The following EVC2 variants were observed in gnomAD, a reference collection of about 807,000 sequenced individuals.
EVC2 encodes EvC ciliary complex subunit 2, also known as limbin.
In EVC2, 148 loss-of-function variants were observed where a neutral mutation model predicts 149.3. That is an observed-to-expected ratio of 0.99 (90% CI 0.87 to 1.14). The LOEUF (loss-of-function observed/expected upper bound fraction) is 1.14. Among genes scored for constraint, EVC2 ranks in the 50% most tolerant of loss-of-function variants. The pLI is 0.00. For synonymous variants in EVC2, 776 were observed against 649.9 expected (o/e 1.19, Z -2.95); for missense variants, 1,854 against 1,627.3 (o/e 1.14, Z -2.40).
intron 4 of EVC2, among the ~76,000 whole-genome samples, chr4:5,690,882 A>G (rs1412927301): frequency 6.6e-6 from 1 of 152,212 alleles, no homozygotes; most frequent in Non-Finnish European, 1.5e-5. Flanking sequence ...GAGACCCCTG[A>G]CACAAGGATA....
chr4:5,548,543 C>T (rs1262794312), intron 21 of EVC2, among the ~76,000 whole-genome samples: 1 of 151,862 alleles, frequency 6.6e-6, no homozygotes, highest in African/African-American at 2.4e-5. Flanking sequence ...TGCAGTGGAA[C>T]TCAATGTTTA....
rs1161493464 is a variant in EVC2, at chr4:5,663,263, G to T, written c.1006-17C>A. On this transcript the variant is annotated splice_polypyrimidine_tract_variant and intron_variant, in intron 8 of 21. Coordinates refer to ENST00000344408, the MANE Select transcript of EVC2 (RefSeq NM_147127.5). ...CTGCCAAACCTTCAGGAGAATTGCGGAAATAATAATTGATTGGGCCTTCTT... is the reference window on the plus strand; with the variant it reads ...CTGCCAAACCTTCAGGAGAATTGCGTAAATAATAATTGATTGGGCCTTCTT... 2.0e-5 allele frequency: 32 copies of T among 1,613,696 alleles called. No homozygotes were observed. The highest frequency in any genetic ancestry group is 3.3e-5 in the Admixed American group (2 of 59,996).
chr4:5,705,588 TAAAAA>T (rs920101897), intron 1 of EVC2, among the ~76,000 whole-genome samples: 1 of 152,082 alleles, frequency 6.6e-6, no homozygotes, highest in African/African-American at 2.4e-5. Flanking sequence ...TTTTCTAAAA[TAAAAA>T]AAGTGAGAAG....
intron 9 of EVC2, among the ~76,000 whole-genome samples, chr4:5,652,510 T>C (rs1482535420): frequency 6.6e-6 from 1 of 152,048 alleles, no homozygotes; most frequent in Non-Finnish European, 1.5e-5. Flanking sequence ...ACTTCACAGC[T>C]CAGAGACCAG....
intron 21 of EVC2, among the ~76,000 whole-genome samples, chr4:5,545,976 C>A (rs557082825): frequency 1.1e-4 from 17 of 152,300 alleles, no homozygotes; most frequent in African/African-American, 3.1e-4. Flanking sequence ...CTCACCATCA[C>A]TGGCCATCAG....
intron 19 of EVC2, among the ~76,000 whole-genome samples, chr4:5,572,946 C>A (rs1210930471): frequency 6.6e-6 from 1 of 152,200 alleles, no homozygotes; most frequent in Non-Finnish European, 1.5e-5. Context: ...CCAAGCCCCC[C>A]ACGAGCAGTG....
At chr4:5,658,548 G>A (rs1467998905) in intron 9 of EVC2, among the ~76,000 whole-genome samples, 1 of 152,226 alleles carries the variant, frequency 6.6e-6, no homozygotes, top group African/African-American at 2.4e-5. Flanking sequence ...AATGTTGGTA[G>A]CATCCAGAAA....
intron 3 of EVC2, 94 bp from the exon 4 acceptor site, chr4:5,691,427 G>T: frequency 9.8e-7 from 1 of 1,015,496 alleles, no homozygotes; most frequent in Non-Finnish European, 1.5e-6. Context: ...TTTACAGAGG[G>T]TAGAAAGATT....
At chr4:5,706,327 T>C (rs4689279) in intron 1 of EVC2, among the ~76,000 whole-genome samples, 1 of 140,592 alleles carries the variant, frequency 7.1e-6, no homozygotes, top group East Asian at 2.0e-4. Context: ...GATACATAGA[T>C]AGATAGATAG....
intron 17 of EVC2, among the ~76,000 whole-genome samples, chr4:5,579,180 G>C (rs1217501323): frequency 6.6e-6 from 1 of 152,136 alleles, no homozygotes; most frequent in Non-Finnish European, 1.5e-5. Context: ...CTAGAGTAGG[G>C]AGAAAGGGAG....
chr4:5,593,949 C>T (rs1009565252), intron 16 of EVC2, among the ~76,000 whole-genome samples: 2 of 152,216 alleles, frequency 1.3e-5, no homozygotes, highest in Non-Finnish European at 2.9e-5. Flanking sequence ...GTCCTACACC[C>T]ATGGAGTCTC....
intron 16 of EVC2, among the ~76,000 whole-genome samples, chr4:5,598,598 C>T (rs527481349): frequency 2.6e-5 from 4 of 152,242 alleles, no homozygotes; most frequent in East Asian, 3.9e-4. Context: ...AAACGTTAGA[C>T]CTAAAATCAT....
At chr4:5,584,595 C>G in intron 17 of EVC2, 28 bp downstream of exon 17, 4 of 1,604,682 alleles carry the variant, frequency 2.5e-6, no homozygotes, top group South Asian at 1.1e-5. Flanking sequence ...AGCTCTGTCC[C>G]CCTCTCCTTC....
At chr4:5,547,262 C>A (rs1408477505) in intron 21 of EVC2, among the ~76,000 whole-genome samples, 1 of 152,238 alleles carries the variant, frequency 6.6e-6, no homozygotes, top group Non-Finnish European at 1.5e-5. Flanking sequence ...ACTTTGGACA[C>A]CAATAAGCAT....
chr4:5,612,937 A>G (rs1324267373), intron 16 of EVC2, among the ~76,000 whole-genome samples: 1 of 150,666 alleles, frequency 6.6e-6, no homozygotes, highest in East Asian at 1.9e-4. Context: ...AAAAAAAAAA[A>G]AAAAAAAAAA....
At chr4:5,544,722 G>A in intron 21 of EVC2, among the ~76,000 whole-genome samples, 1 of 152,190 alleles carries the variant, frequency 6.6e-6, no homozygotes, top group East Asian at 1.9e-4. Context: ...AGAGAAGAGA[G>A]GGGGTGAGGA....
downstream of EVC2, among the ~76,000 whole-genome samples, chr4:5,539,162 A>G (rs1193208470): frequency 6.6e-6 from 1 of 152,198 alleles, no homozygotes; most frequent in Non-Finnish European, 1.5e-5. Context: ...GTAATAAAAA[A>G]CAGAAACTGG....
chr4:5,673,004 G>A lies in EVC2; in HGVS notation c.871-7355C>T, dbSNP rs550320876. The stretch of plus-strand genomic sequence containing the variant: ...CAGGGGCTGGGGGAGAAGGAAATGG[G>A]AAGTCACCAATGGGTACCAAGTTTC... On this transcript the variant is annotated intron_variant, in intron 7 of 21. Coordinates refer to ENST00000344408, the MANE Select transcript of EVC2 (RefSeq NM_147127.5). Among the ~76,000 whole-genome samples, 4 of 152,318 alleles carry A rather than the reference G, an allele frequency of 2.6e-5. No individual in the cohort carries two copies. In the East Asian group the frequency reaches 7.7e-4, roughly 29 times the overall value.
At chr4:5,558,637 A>T (rs1169783673), downstream of EVC2, among the ~76,000 whole-genome samples, 1 of 152,238 alleles carries the variant, frequency 6.6e-6, no homozygotes, top group Non-Finnish European at 1.5e-5. Context: ...TGTCAAAATA[A>T]TCTAACTGCA....
Sources: gnomAD v4.1 joint callset for allele counts (sites outside exome capture counted in the v4.1 genomes callset) on GRCh38, gnomAD v4.1.1 for gene constraint, MANE v1.5 for transcripts, NCBI Gene and HGNC (gene_info 2026-07-23, HGNC 2026-07-21) for gene names.